The following CDKAL1 variants were observed in gnomAD, a reference collection of about 807,000 sequenced individuals.
CDKAL1 encodes threonylcarbamoyladenosine tRNA methylthiotransferase.
A neutral mutation model predicts 68.2 loss-of-function variants in CDKAL1; 32 were observed. The observed-to-expected ratio is 0.47, with a 90% CI of 0.35 to 0.63. CDKAL1 has a LOEUF of 0.63. Ranked by LOEUF, CDKAL1 falls within the 30% of genes least tolerant of loss-of-function variation. CDKAL1 has a pLI of 0.00. For synonymous variants in CDKAL1, 234 were observed against 244.3 expected (o/e 0.96, Z 0.39); for missense variants, 606 against 696.7 (o/e 0.87, Z 1.47).
rs55999857 is a variant in CDKAL1, at chr6:20,612,990, TACACACACACACACACACACACACAC to T, written c.287-36273_287-36248del. ...TGAAGAAACTCATTGTTGCAATTTC[TACACACACACACACACACACACACAC>T]ACACACACACACACACACACACACA... is the stretch of plus-strand genomic sequence containing the variant. On this transcript the variant is annotated intron_variant, in intron 4 of 15. Transcript: ENST00000274695. Among the ~76,000 whole-genome samples, 70 of 130,056 alleles carry T rather than the reference TACACACACACACACACACACACACAC, an allele frequency of 5.4e-4. No individual in the cohort carries two copies. In the South Asian group the frequency reaches 5.7e-3, roughly 11 times the overall value. 85.3% of individuals were successfully genotyped at this position (130,056 alleles called of 152,430 possible). A position where few individuals can be genotyped will look rare whatever the true frequency, so the allele number is the denominator to read the frequency against.
In CDKAL1 at chr6:20,846,083, A is replaced by G. The variant is rs143969595; in HGVS notation, c.647A>G (p.Asn216Ser). ...EIISINTGCL[N>S]ACTYCKTKHA... is the part of the protein sequence containing the mutation. ...TGTTATCATTTGAACAGGTGTCTCA[A>G]TGCTTGTACCTACTGCAAAACTAAA... Residue 216 changes from asparagine (N) to serine (S), a missense_variant, in exon 9 of 16, where the codon AAT becomes AGT. Physicochemically the swap from Asn to Ser is conservative, Grantham distance 46. Transcript: ENST00000274695. The G allele has an allele frequency of 6.2e-6, 10 of 1,609,286 alleles. No individual in the cohort carries two copies. The highest frequency in any genetic ancestry group is 1.3e-5 in the African/African-American group (1 of 74,746).
At chr6:20,540,427 G>C (rs1763345198) in intron 2 of CDKAL1, among the ~76,000 whole-genome samples, 1 of 151,372 alleles carries the variant, frequency 6.6e-6, no homozygotes, top group African/African-American at 2.4e-5. Flanking sequence ...GTAAGGTAGG[G>C]AGAAGATCAG....
At chr6:20,933,976 A>C (rs1763587267) in intron 9 of CDKAL1, among the ~76,000 whole-genome samples, 1 of 151,912 alleles carries the variant, frequency 6.6e-6, no homozygotes, top group Non-Finnish European at 1.5e-5. Flanking sequence ...AATGCCGGTA[A>C]CATTCAAGGC....
At chr6:21,109,733 G>C (rs937742920) in intron 13 of CDKAL1, among the ~76,000 whole-genome samples, 3 of 152,190 alleles carry the variant, frequency 2.0e-5, no homozygotes, top group Non-Finnish European at 4.4e-5. Context: ...AGATTGGCCA[G>C]ATTTCTGAAG....
intron 10 of CDKAL1, among the ~76,000 whole-genome samples, chr6:20,988,608 G>GAAA (rs900440909): frequency 1.3e-4 from 20 of 151,908 alleles, no homozygotes; most frequent in Non-Finnish European, 2.2e-4. Context: ...AGTTAGGGGG[G>GAAA]AAAAGAGACT....
chr6:21,083,305 G>C (rs1772512209), intron 12 of CDKAL1, among the ~76,000 whole-genome samples: 1 of 152,154 alleles, frequency 6.6e-6, no homozygotes, highest in Admixed American at 6.5e-5. Context: ...GTGGAATTTT[G>C]TGGAGTCATG....
At chr6:20,584,814 G>A (rs548652031) in intron 4 of CDKAL1, among the ~76,000 whole-genome samples, 68 of 152,196 alleles carry the variant, frequency 4.5e-4, no homozygotes, top group African/African-American at 1.5e-3. Flanking sequence ...ACTTTTCCCC[G>A]CACCAAATCT....
At chr6:21,151,241 A>C (rs1776398497) in intron 13 of CDKAL1, among the ~76,000 whole-genome samples, 1 of 152,194 alleles carries the variant, frequency 6.6e-6, no homozygotes, top group Non-Finnish European at 1.5e-5. Context: ...CCCTAGCTCT[A>C]GAGAATTATA....
intron 8 of CDKAL1, among the ~76,000 whole-genome samples, chr6:20,824,552 G>A (rs1392864262): frequency 6.6e-6 from 1 of 152,166 alleles, no homozygotes; most frequent in East Asian, 1.9e-4. Flanking sequence ...TCAATCAGAG[G>A]CCACCCTTAG....
intron 7 of CDKAL1, among the ~76,000 whole-genome samples, chr6:20,761,053 C>T (rs1022957126): frequency 6.6e-6 from 1 of 152,054 alleles, no homozygotes; most frequent in Non-Finnish European, 1.5e-5. Context: ...CCTCTTAAAA[C>T]TCAATAATAA....
At chr6:20,860,685 G>A (rs1439633750) in intron 9 of CDKAL1, among the ~76,000 whole-genome samples, 2 of 152,020 alleles carry the variant, frequency 1.3e-5, no homozygotes, top group African/African-American at 4.8e-5. Context: ...TTAGCTGGGC[G>A]TGGTGGCACG....
chr6:20,602,840 T>C (rs1489152116), intron 4 of CDKAL1, among the ~76,000 whole-genome samples: 3 of 152,200 alleles, frequency 2.0e-5, no homozygotes, highest in Non-Finnish European at 4.4e-5. Flanking sequence ...CTAATTCCTT[T>C]TAACCATATT....
chr6:20,878,091 C>T (rs1464353093), intron 9 of CDKAL1, among the ~76,000 whole-genome samples: 1 of 152,136 alleles, frequency 6.6e-6, no homozygotes, highest in African/African-American at 2.4e-5. Context: ...CTTGGCAATA[C>T]TGTGGTATTT....
intron 5 of CDKAL1, among the ~76,000 whole-genome samples, chr6:20,693,562 G>A (rs1356676655): frequency 1.3e-5 from 2 of 152,036 alleles, no homozygotes; most frequent in East Asian, 1.9e-4. Flanking sequence ...TTTCTTTCAG[G>A]GACAAATGTC....
At chr6:20,788,636 T>C (rs1038053242) in intron 8 of CDKAL1, among the ~76,000 whole-genome samples, 10 of 152,244 alleles carry the variant, frequency 6.6e-5, no homozygotes, top group Non-Finnish European at 1.3e-4. Flanking sequence ...GGTATAGTGC[T>C]ACCTACTGAA....
At position 20,713,589 on chromosome 6, in the gene CDKAL1, G is replaced by A. The variant is rs190517559; in HGVS notation, c.372-25930G>A. On this transcript the variant is annotated intron_variant, in intron 5 of 15. Transcript: ENST00000274695. ...AGATATTTCAGGTAACCCAGAAAAA[G>A]GATATGGTAAGCACATTTGCAAAGA... is the stretch of plus-strand genomic sequence containing the variant. 1.9e-3 allele frequency among the ~76,000 whole-genome samples: 293 copies of A among 152,174 alleles called. 1 individual carries two copies. The highest frequency in any genetic ancestry group is 6.5e-3 in the African/African-American group (270 of 41,534).
chr6:21,108,307 AT>A, intron 12 of CDKAL1, 93 bp from the exon 13 acceptor site: 2 of 623,886 alleles, frequency 3.2e-6, no homozygotes, highest in Non-Finnish European at 5.5e-6. Context: ...AACTTTATGT[AT>A]GTAGAGATAT....
At chr6:20,610,395 A>C (rs1442048731) in intron 4 of CDKAL1, among the ~76,000 whole-genome samples, 1 of 152,204 alleles carries the variant, frequency 6.6e-6, no homozygotes, top group African/African-American at 2.4e-5. Flanking sequence ...CATTCCCACC[A>C]ACATTGTATA....
At chr6:20,617,689 T>C (rs1229941895) in intron 4 of CDKAL1, among the ~76,000 whole-genome samples, 3 of 152,160 alleles carry the variant, frequency 2.0e-5, no homozygotes, top group Non-Finnish European at 4.4e-5. Flanking sequence ...GTCTTTGTGG[T>C]AGTTTGCTTA....
Sources: gnomAD v4.1 joint callset for allele counts (sites outside exome capture counted in the v4.1 genomes callset) on GRCh38, gnomAD v4.1.1 for gene constraint, MANE v1.5 for transcripts, NCBI Gene and HGNC (gene_info 2026-07-23, HGNC 2026-07-21) for gene names.